LRRC7: variants seen among roughly 807,000 people sequenced by gnomAD.
LRRC7 encodes the protein leucine-rich repeat-containing protein 7.
LRRC7 carries 23 observed loss-of-function variants against 175.7 expected under a neutral mutation model. The ratio of observed to expected loss-of-function variants is 0.13; its 90% confidence interval spans 0.09 to 0.19. LRRC7 has a LOEUF of 0.19. Among genes scored for constraint, LRRC7 ranks in the 10% least tolerant of loss-of-function variants. The pLI is 1.00. For synonymous variants in LRRC7, 685 were observed against 680.9 expected, an observed-to-expected ratio of 1.01 and a Z score of -0.09; for missense variants, 1,354 against 1,904.7, an observed-to-expected ratio of 0.71 and a Z score of 5.38.
intron 4 of LRRC7, among the ~76,000 whole-genome samples, chr1:69,815,271 T>A (rs908437547): frequency 2.6e-5 from 4 of 152,152 alleles, no homozygotes; most frequent in Admixed American, 1.3e-4. Flanking sequence ...TGGAAAACGG[T>A]GTGTGCAAAA....
At chr1:70,014,796 T>G (rs1203429469) in intron 13 of LRRC7, among the ~76,000 whole-genome samples, 4 of 152,090 alleles carry the variant, frequency 2.6e-5, no homozygotes, top group Non-Finnish European at 5.9e-5. Flanking sequence ...CTGTGGTCAA[T>G]GTACTGCACA....
rs142950544 is a variant in LRRC7 at position 69,642,811 on chromosome 1, C to CATAGATAGATAGATAGATAG, written c.3-35543_3-35524dup. ...GAAACAGAACTAATGACAGATGATA[C>CATAGATAGATAGATAGATAG]ATAGATAGATAGATAGATAGATAGA... is the stretch of plus-strand genomic sequence containing the variant. On this transcript the variant is annotated intron_variant, in intron 1 of 26. Transcript: ENST00000651989. Among the ~76,000 whole-genome samples, 31 of 147,294 alleles carry CATAGATAGATAGATAGATAG rather than the reference C, an allele frequency of 2.1e-4. 1 individual carries two copies. The highest frequency in any genetic ancestry group is 2.8e-4 in the Non-Finnish European group (19 of 66,844).
intron 3 of LRRC7, among the ~76,000 whole-genome samples, chr1:69,784,414 T>G (rs1674160373): frequency 6.6e-6 from 1 of 152,134 alleles, no homozygotes; most frequent in African/African-American, 2.4e-5. Flanking sequence ...CGCTCTTGGG[T>G]CTGTGTATTT....
chr1:69,637,806 G>T (rs1391039841), intron 1 of LRRC7, among the ~76,000 whole-genome samples: 2 of 151,864 alleles, frequency 1.3e-5, no homozygotes, highest in Non-Finnish European at 2.9e-5. Context: ...GACAAAGAAT[G>T]TTTTTTAAAG....
At chr1:69,731,173 G>A (rs991850428) in intron 2 of LRRC7, among the ~76,000 whole-genome samples, 3 of 151,944 alleles carry the variant, frequency 2.0e-5, no homozygotes, top group African/African-American at 7.3e-5. Context: ...GTGGTGGCGG[G>A]CGTCTGTAGT....
chr1:69,797,132 A>G (rs1675883584), intron 4 of LRRC7, among the ~76,000 whole-genome samples: 1 of 152,150 alleles, frequency 6.6e-6, no homozygotes, highest in Non-Finnish European at 1.5e-5. Context: ...AAAAATATAT[A>G]ATGTGTATTT....
chr1:70,096,105 G>A (rs1664371761), intron 25 of LRRC7, among the ~76,000 whole-genome samples: 1 of 152,020 alleles, frequency 6.6e-6, no homozygotes, highest in Non-Finnish European at 1.5e-5. Flanking sequence ...CGCCTCCCGA[G>A]TAGCTGGGAC....
chr1:69,678,050 G>T (rs1234851455), intron 1 of LRRC7, among the ~76,000 whole-genome samples: 2 of 151,956 alleles, frequency 1.3e-5, no homozygotes, highest in South Asian at 4.2e-4. Flanking sequence ...CGTCCCAAAG[G>T]CCCTACCTTC....
chr1:69,752,578 G>A (rs923025223), intron 2 of LRRC7, among the ~76,000 whole-genome samples: 1 of 152,078 alleles, frequency 6.6e-6, no homozygotes. Context: ...TTGTCAGTAG[G>A]GAAGGATTTG....
At chr1:69,677,178 G>T (rs1440814522) in intron 1 of LRRC7, among the ~76,000 whole-genome samples, 1 of 135,032 alleles carries the variant, frequency 7.4e-6, no homozygotes, top group Non-Finnish European at 1.6e-5. Flanking sequence ...ATGAGCGTGT[G>T]TATATATTCT....
At chr1:69,898,334 A>C (rs991091767) in intron 7 of LRRC7, among the ~76,000 whole-genome samples, 1 of 152,216 alleles carries the variant, frequency 6.6e-6, no homozygotes, top group African/African-American at 2.4e-5. Context: ...TTGGAGAGCT[A>C]TATTTCAAAG....
chr1:70,045,451 A>G (rs376887332), intron 22 of LRRC7, among the ~76,000 whole-genome samples: 2 of 152,076 alleles, frequency 1.3e-5, no homozygotes, highest in South Asian at 4.1e-4. Flanking sequence ...CAGCATGACT[A>G]TTTTTACTTG....
At chr1:69,999,776 T>C (rs1655352475) in intron 11 of LRRC7, among the ~76,000 whole-genome samples, 1 of 152,094 alleles carries the variant, frequency 6.6e-6, no homozygotes, top group Admixed American at 6.6e-5. Flanking sequence ...GCAGAAGAAA[T>C]TTGGGATGTA....
At chr1:69,708,724 G>T (rs915496885) in intron 2 of LRRC7, among the ~76,000 whole-genome samples, 1 of 152,266 alleles carries the variant, frequency 6.6e-6, no homozygotes, top group Middle Eastern at 3.4e-3. Flanking sequence ...GATCTAAGGA[G>T]TCTCTGTTGG....
chr1:69,970,860 C>T (rs891273877), intron 8 of LRRC7, among the ~76,000 whole-genome samples: 12 of 152,198 alleles, frequency 7.9e-5, no homozygotes, highest in African/African-American at 2.9e-4. Context: ...CCCTGATGAA[C>T]ATAGATGCTA....
At chr1:69,912,532 G>C (rs1004102216) in intron 7 of LRRC7, among the ~76,000 whole-genome samples, 1 of 152,134 alleles carries the variant, frequency 6.6e-6, no homozygotes, top group Non-Finnish European at 1.5e-5. Context: ...AGGACCTTCA[G>C]CTCTGACAGA....
chr1:69,839,021 G>C, intron 7 of LRRC7: 1 of 282,680 alleles, frequency 3.5e-6, no homozygotes, highest in African/African-American at 2.3e-5. Context: ...AATATTTAAA[G>C]TACTATGTTG....
intron 24 of LRRC7, among the ~76,000 whole-genome samples, chr1:70,079,930 G>C (rs1457041572): frequency 2.0e-5 from 3 of 152,130 alleles, no homozygotes; most frequent in African/African-American, 7.2e-5. Context: ...CTTTTTACAA[G>C]TGAAGAAACC....
At chr1:69,965,624 T>A (rs1268373651) in intron 8 of LRRC7, among the ~76,000 whole-genome samples, 2 of 152,064 alleles carry the variant, frequency 1.3e-5, no homozygotes, top group Admixed American at 6.6e-5. Context: ...TTTTAAAAAA[T>A]TTTAAAAATT....
Sources: gnomAD v4.1 joint callset for allele counts (sites outside exome capture counted in the v4.1 genomes callset) on GRCh38, gnomAD v4.1.1 for gene constraint, MANE v1.5 for transcripts, NCBI Gene and HGNC (gene_info 2026-07-23, HGNC 2026-07-21) for gene names.